CTNNA2: variants seen among roughly 807,000 people sequenced by gnomAD.
The protein encoded by CTNNA2 is catenin alpha 2.
CTNNA2 carries 42 observed loss-of-function variants against 101.0 expected under a neutral mutation model. The observed-to-expected ratio is 0.42, with a 90% CI of 0.32 to 0.54. The LOEUF is 0.54. CTNNA2 is among the 20% of genes least tolerant of loss of function. CTNNA2 has a pLI of 0.14. For synonymous variants in CTNNA2, 450 were observed against 456.4 expected, an observed-to-expected ratio of 0.99 and a Z score of 0.18; for missense variants, 871 against 1,223.1, an observed-to-expected ratio of 0.71 and a Z score of 4.29.
chr2:80,225,654 T>C (rs139181542), intron 7 of CTNNA2, among the ~76,000 whole-genome samples: 1 of 152,190 alleles, frequency 6.6e-6, no homozygotes, highest in Non-Finnish European at 1.5e-5. Flanking sequence ...GAATAGCATA[T>C]AATGGTTCTG....
At chr2:79,327,799 A>G (rs1676780326) in intron 3 of CTNNA2, among the ~76,000 whole-genome samples, 1 of 152,210 alleles carries the variant, frequency 6.6e-6, no homozygotes, top group South Asian at 2.1e-4. Flanking sequence ...ACCTGGATGC[A>G]GAAGGGGCAG....
intron 1 of CTNNA2, among the ~76,000 whole-genome samples, chr2:79,586,655 AT>A (rs976612140): frequency 6.6e-6 from 1 of 151,476 alleles, no homozygotes; most frequent in African/African-American, 2.4e-5. Flanking sequence ...AAAGATTTGA[AT>A]TTTTTTTAAC....
At chr2:79,722,327 A>G (rs951018198) in intron 2 of CTNNA2, among the ~76,000 whole-genome samples, 8 of 152,272 alleles carry the variant, frequency 5.3e-5, no homozygotes, top group Middle Eastern at 3.4e-3. Flanking sequence ...GCTTAATTGT[A>G]TTGTCTGATG....
At chr2:79,262,346 A>T (rs1450973085) in intron 2 of CTNNA2, among the ~76,000 whole-genome samples, 1 of 152,218 alleles carries the variant, frequency 6.6e-6, no homozygotes, top group Non-Finnish European at 1.5e-5. Flanking sequence ...AAGAAAAACA[A>T]GATCAATAAA....
intron 7 of CTNNA2, among the ~76,000 whole-genome samples, chr2:80,114,805 C>G (rs1701426764): frequency 6.6e-6 from 1 of 152,158 alleles, no homozygotes; most frequent in Non-Finnish European, 1.5e-5. Flanking sequence ...GACAAGGTGT[C>G]TGAAGATATC....
chr2:79,426,608 T>C (rs1166644363), intron 4 of CTNNA2, among the ~76,000 whole-genome samples: 1 of 152,120 alleles, frequency 6.6e-6, no homozygotes, highest in Non-Finnish European at 1.5e-5. Context: ...AGAAAATATA[T>C]ACTCAGTGAA....
At chr2:79,636,269 CAAAAAAAAAA>C (rs57739991) in intron 1 of CTNNA2, among the ~76,000 whole-genome samples, 9 of 67,254 alleles carry the variant, frequency 1.3e-4, no homozygotes, top group South Asian at 5.7e-4. Context: ...GACTCTGTCT[CAAAAAAAAAA>C]AAAAAAAAAA....
At chr2:80,222,818 G>T (rs376439370) in intron 7 of CTNNA2, among the ~76,000 whole-genome samples, 4 of 152,236 alleles carry the variant, frequency 2.6e-5, no homozygotes, top group East Asian at 3.9e-4. Context: ...TACACAGTTG[G>T]ATTTGCAAAT....
chr2:80,048,218 T>G (rs1696653096), intron 7 of CTNNA2, among the ~76,000 whole-genome samples: 1 of 152,130 alleles, frequency 6.6e-6, no homozygotes, highest in Non-Finnish European at 1.5e-5. Context: ...TTCCATGCAA[T>G]GTTTGGAATC....
At chr2:80,097,834 C>T (rs1042384195) in intron 7 of CTNNA2, among the ~76,000 whole-genome samples, 5 of 152,192 alleles carry the variant, frequency 3.3e-5, no homozygotes, top group East Asian at 3.9e-4. Context: ...ACGTAGTTCT[C>T]GTGCCATGGT....
At chr2:80,456,699 C>A (rs1422128251) in intron 9 of CTNNA2, among the ~76,000 whole-genome samples, 1 of 152,170 alleles carries the variant, frequency 6.6e-6, no homozygotes, top group Non-Finnish European at 1.5e-5. Context: ...GGTACTTATA[C>A]ACTTCGAGTT....
At chr2:80,111,527 T>C (rs1016723657) in intron 7 of CTNNA2, among the ~76,000 whole-genome samples, 2 of 152,140 alleles carry the variant, frequency 1.3e-5, no homozygotes, top group African/African-American at 4.8e-5. Flanking sequence ...AAGGGCTTGA[T>C]GTTGAGGTAA....
chr2:79,706,758 A>T (rs1685410220), intron 2 of CTNNA2, among the ~76,000 whole-genome samples: 1 of 152,118 alleles, frequency 6.6e-6, no homozygotes, highest in South Asian at 2.1e-4. Context: ...CAGGTCATAG[A>T]TGCCTAATTC....
At chr2:79,340,327 G>C (rs574297602) in intron 3 of CTNNA2, among the ~76,000 whole-genome samples, 3 of 152,114 alleles carry the variant, frequency 2.0e-5, no homozygotes. Flanking sequence ...CATCAGTAAA[G>C]GTGATTAAGG....
chr2:79,940,197 T>C (rs1243708942), intron 7 of CTNNA2, among the ~76,000 whole-genome samples: 1 of 152,222 alleles, frequency 6.6e-6, no homozygotes, highest in Non-Finnish European at 1.5e-5. Flanking sequence ...AGAATATACT[T>C]TGTATTGTTT....
intron 7 of CTNNA2, among the ~76,000 whole-genome samples, chr2:80,289,637 A>G (rs967002457): frequency 6.6e-6 from 1 of 152,184 alleles, no homozygotes. Flanking sequence ...GGCCAACTCA[A>G]TGCACATGCT....
intron 9 of CTNNA2, among the ~76,000 whole-genome samples, chr2:80,451,795 T>G (rs938284460): frequency 6.6e-6 from 1 of 152,332 alleles, no homozygotes; most frequent in African/African-American, 2.4e-5. Context: ...TCAGAAGTTA[T>G]TACAATCCAA....
chr2:80,317,309 C>T (rs1386657487), intron 7 of CTNNA2, among the ~76,000 whole-genome samples: 3 of 152,184 alleles, frequency 2.0e-5, no homozygotes, highest in Admixed American at 6.5e-5. Context: ...TGCTCTGTCT[C>T]AGGCACTAAA....
chr2:79,953,894 G>C (rs1689046308), intron 7 of CTNNA2, among the ~76,000 whole-genome samples: 1 of 152,162 alleles, frequency 6.6e-6, no homozygotes, highest in African/African-American at 2.4e-5. Context: ...CAGTATCATA[G>C]GTTATGGTTC....
Sources: allele counts gnomAD v4.1 joint callset (sites outside exome capture counted in the v4.1 genomes callset), GRCh38; gene constraint gnomAD v4.1.1; transcripts MANE v1.5; gene names NCBI Gene and HGNC (gene_info 2026-07-23, HGNC 2026-07-21).